DYNLL1: variants seen among roughly 807,000 people sequenced by gnomAD.
DYNLL1 encodes dynein light chain LC8-type 1.
DYNLL1 carries 3 observed loss-of-function variants against 10.1 expected under a neutral mutation model. That is an observed-to-expected ratio of 0.30 (90% CI 0.14 to 0.77). The LOEUF is 0.77. Among genes scored for constraint, DYNLL1 ranks in the 30% least tolerant of loss-of-function variants. The pLI, the probability that DYNLL1 is intolerant of heterozygous loss-of-function variation, is 0.66. For synonymous variants in DYNLL1, 46 were observed against 41.2 expected (o/e 1.12, Z -0.45); for missense variants, 47 against 111.7 (o/e 0.42, Z 2.61).
intron 1 of DYNLL1, among the ~76,000 whole-genome samples, chr12:120,474,398 TCTC>T (rs1254474430): frequency 2.0e-5 from 3 of 150,502 alleles, no homozygotes; most frequent in Non-Finnish European, 4.4e-5. Context: ...AGCCATTTAT[TCTC>T]CACCAGAGTG....
intron 2 of DYNLL1, 52 bp from the exon 3 acceptor site, chr12:120,498,021 A>G (rs1484076347): frequency 3.2e-6 from 5 of 1,574,528 alleles, no homozygotes; most frequent in Non-Finnish European, 4.3e-6. Flanking sequence ...CAAGAGGCAA[A>G]CACTGACCTC....
At chr12:120,481,933 C>T (rs532619138) in intron 1 of DYNLL1, among the ~76,000 whole-genome samples, 5 of 152,312 alleles carry the variant, frequency 3.3e-5, no homozygotes, top group African/African-American at 9.6e-5. Flanking sequence ...ACGGCAGCCT[C>T]GACCTCCTGG....
At chr12:120,473,280 T>C (rs1412011316) in intron 1 of DYNLL1, among the ~76,000 whole-genome samples, 2 of 152,116 alleles carry the variant, frequency 1.3e-5, no homozygotes, top group Non-Finnish European at 2.9e-5. Context: ...AATGAGGGCA[T>C]GACTGCTGAG....
rs1555221878 is a variant in DYNLL1, at chr12:120,496,408, C to T, written c.-6-8C>T. On this transcript the variant is annotated splice_region_variant and splice_polypyrimidine_tract_variant and intron_variant, in intron 1 of 2. Coordinates refer to ENST00000242577, the MANE Select transcript of DYNLL1 (RefSeq NM_003746.3). ...ACTCAACCCCTTACCCCAGGCCTTG[C>T]CCACTAGGTAACCATGTGCGACCGA... 2.5e-6 allele frequency: 4 copies of T among 1,613,946 alleles called. No homozygotes were observed. The highest frequency in any genetic ancestry group is 3.4e-6 in the Non-Finnish European group (4 of 1,179,992).
intron 1 of DYNLL1, among the ~76,000 whole-genome samples, chr12:120,478,113 TG>T (rs1202573013): frequency 5.4e-5 from 8 of 148,788 alleles, no homozygotes; most frequent in Non-Finnish European, 8.9e-5. Flanking sequence ...TTTTTGTTGT[TG>T]TTTTTTTTTT....
At chr12:120,475,664 A>G (rs1267141304) in intron 1 of DYNLL1, among the ~76,000 whole-genome samples, 2 of 152,178 alleles carry the variant, frequency 1.3e-5, no homozygotes, top group Non-Finnish European at 2.9e-5. Flanking sequence ...AACTTCTTAA[A>G]TTATATTTAA....
upstream of DYNLL1, among the ~76,000 whole-genome samples, chr12:120,494,893 C>T (rs148298696): frequency 5.3e-5 from 8 of 152,326 alleles, 1 homozygote; most frequent in African/African-American, 1.7e-4. Flanking sequence ...CATTTCAGAG[C>T]TGGTTGTTCA....
upstream of DYNLL1, chr12:120,495,332 C>T (rs2233672): frequency 0.029 from 4,416 of 152,248 alleles, 224 homozygotes; most frequent in African/African-American, 0.1. Context: ...ACAAAAACCC[C>T]GGGGCTCAAC....
At chr12:120,491,870 C>T (rs1190303750), upstream of DYNLL1, 1 of 152,242 alleles carries the variant, frequency 6.6e-6, no homozygotes, top group African/African-American at 2.4e-5. Flanking sequence ...ACTATCCATC[C>T]TTTCTTCCAT....
At chr12:120,496,349 G>A (rs917117920) in intron 1 of DYNLL1, 67 bp from the exon 2 acceptor site, 79 of 1,600,060 alleles carry the variant, frequency 4.9e-5, no homozygotes, top group Admixed American at 1.7e-5. Context: ...GCCGGCCGGG[G>A]TGGGGGCAGT....
chr12:120,497,858 T>A (rs1868507244), intron 2 of DYNLL1: 8 of 552,132 alleles, frequency 1.4e-5, no homozygotes, highest in Non-Finnish European at 2.2e-5. Context: ...TCCTTTGACC[T>A]CCTCAGCCTC....
chr12:120,483,992 A>G (rs1309631415), intron 1 of DYNLL1, among the ~76,000 whole-genome samples: 2 of 151,510 alleles, frequency 1.3e-5, no homozygotes, highest in Non-Finnish European at 2.9e-5. Flanking sequence ...CATGGTGGTC[A>G]CCGGTGACCA....
chr12:120,493,611 T>TTTTA (rs1248403797), upstream of DYNLL1, among the ~76,000 whole-genome samples: 2 of 151,318 alleles, frequency 1.3e-5, no homozygotes, highest in Non-Finnish European at 2.9e-5. Context: ...ATTTTTTATT[T>TTTTA]TTTATTTATT....
chr12:120,485,021 T>G (rs1022238922), intron 1 of DYNLL1, among the ~76,000 whole-genome samples: 1 of 151,534 alleles, frequency 6.6e-6, no homozygotes, highest in Non-Finnish European at 1.5e-5. Flanking sequence ...ATTACAGGCG[T>G]GAGCCACCGC....
At chr12:120,495,534 G>C (rs1357758505), upstream of DYNLL1, 1 of 152,108 alleles carries the variant, frequency 6.6e-6, no homozygotes, top group Admixed American at 6.5e-5. Context: ...ATGGGGCCCA[G>C]TGCAAAATGA....
At chr12:120,485,055 A>C (rs1286647568) in intron 1 of DYNLL1, among the ~76,000 whole-genome samples, 2 of 151,818 alleles carry the variant, frequency 1.3e-5, no homozygotes, top group East Asian at 2.0e-4. Context: ...GGCTATAAAG[A>C]AGCTATTAAA....
chr12:120,494,409 T>C (rs1204886288), upstream of DYNLL1, among the ~76,000 whole-genome samples: 1 of 151,332 alleles, frequency 6.6e-6, no homozygotes, highest in African/African-American at 2.4e-5. Flanking sequence ...CCTGAGTAGG[T>C]GGGATTACAG....
intron 1 of DYNLL1, among the ~76,000 whole-genome samples, chr12:120,476,227 T>G (rs981300257): frequency 1.3e-5 from 2 of 152,072 alleles, no homozygotes; most frequent in Non-Finnish European, 2.9e-5. Context: ...TTTAATGAAC[T>G]GCGTCAATAT....
intron 1 of DYNLL1, among the ~76,000 whole-genome samples, chr12:120,482,237 T>TA (rs1459470923): frequency 6.6e-6 from 1 of 152,124 alleles, no homozygotes; most frequent in Non-Finnish European, 1.5e-5. Flanking sequence ...AGTTTGAGGC[T>TA]ATAATACACC....
Sources: gnomAD v4.1 joint callset for allele counts (sites outside exome capture counted in the v4.1 genomes callset) on GRCh38, gnomAD v4.1.1 for gene constraint, MANE v1.5 for transcripts, NCBI Gene and HGNC (gene_info 2026-07-23, HGNC 2026-07-21) for gene names.